Variants in EPHA5 observed in about 807,000 individuals in gnomAD.
EPHA5 encodes the protein ephrin type-A receptor 5.
A neutral mutation model predicts 105.0 loss-of-function variants in EPHA5; 60 were observed. The ratio of observed to expected loss-of-function variants is 0.57; its 90% CI spans 0.46 to 0.71. The LOEUF (loss-of-function observed/expected upper bound fraction) is 0.71, where lower values mean the gene tolerates loss of function less well. Ranked by LOEUF, EPHA5 falls within the 30% of genes least tolerant of loss-of-function variation. The pLI is 0.00. For synonymous variants in EPHA5, 513 were observed against 449.1 expected, an observed-to-expected ratio of 1.14 and a Z score of -1.80; for missense variants, 1,218 against 1,274.7, an observed-to-expected ratio of 0.96 and a Z score of 0.68.
intron 6 of EPHA5, among the ~76,000 whole-genome samples, chr4:65,414,675 T>A (rs1021219274): frequency 6.6e-6 from 1 of 152,210 alleles, no homozygotes; most frequent in East Asian, 1.9e-4. Flanking sequence ...CCATCCGGAA[T>A]ACATGTCTTC....
intron 3 of EPHA5, among the ~76,000 whole-genome samples, chr4:65,574,598 C>CTA (rs1235585532): frequency 1.1e-5 from 1 of 89,688 alleles, no homozygotes; most frequent in African/African-American, 4.1e-5. Flanking sequence ...CTATATATTG[C>CTA]TGTATATATA....
chr4:65,621,716 G>A (rs1006676453), intron 2 of EPHA5, among the ~76,000 whole-genome samples: 1 of 152,056 alleles, frequency 6.6e-6, no homozygotes, highest in Non-Finnish European at 1.5e-5. Context: ...CAAATGTTGG[G>A]TTATTTTCAG....
At chr4:65,638,088 T>C (rs574595246) in intron 2 of EPHA5, among the ~76,000 whole-genome samples, 49 of 152,268 alleles carry the variant, frequency 3.2e-4, no homozygotes, top group African/African-American at 1.2e-3. Context: ...AATAAACATA[T>C]CCATTCTTAA....
intron 5 of EPHA5, among the ~76,000 whole-genome samples, chr4:65,479,824 A>G (rs1560586086): frequency 6.6e-6 from 1 of 152,194 alleles, no homozygotes; most frequent in East Asian, 1.9e-4. Context: ...ACCATTAAAT[A>G]AAAAACATAT....
At chr4:65,384,759 T>G (rs150569537) in intron 8 of EPHA5, among the ~76,000 whole-genome samples, 1 of 152,102 alleles carries the variant, frequency 6.6e-6, no homozygotes, top group East Asian at 1.9e-4. Flanking sequence ...AGGGAAAATA[T>G]ATGGATTCAT....
At chr4:65,619,358 G>A (rs767453822) in intron 2 of EPHA5, among the ~76,000 whole-genome samples, 2 of 152,072 alleles carry the variant, frequency 1.3e-5, no homozygotes, top group African/African-American at 2.4e-5. Flanking sequence ...TATTAGATAT[G>A]TATATATAGG....
At chr4:65,579,375 T>TATAA (rs1553944337) in intron 3 of EPHA5, among the ~76,000 whole-genome samples, 13 of 146,544 alleles carry the variant, frequency 8.9e-5, no homozygotes, top group Admixed American at 4.1e-4. Context: ...TATATATATA[T>TATAA]AAATATATAT....
chr4:65,376,394 A>C (rs1250510416), intron 8 of EPHA5, among the ~76,000 whole-genome samples: 1 of 152,076 alleles, frequency 6.6e-6, no homozygotes, highest in Admixed American at 6.6e-5. Flanking sequence ...TTTATAAATA[A>C]TTAAGAGTAT....
intron 14 of EPHA5, among the ~76,000 whole-genome samples, chr4:65,347,119 C>A (rs1422998148): frequency 6.6e-6 from 1 of 152,110 alleles, no homozygotes; most frequent in Non-Finnish European, 1.5e-5. Flanking sequence ...ATCTGTCTAA[C>A]CAACCCTGAA....
chr4:65,328,835 A>C (rs1720329489), intron 16 of EPHA5, among the ~76,000 whole-genome samples: 1 of 151,210 alleles, frequency 6.6e-6, no homozygotes, highest in Non-Finnish European at 1.5e-5. Context: ...TAAGGGTATA[A>C]TAAATCATGC....
intron 5 of EPHA5, among the ~76,000 whole-genome samples, chr4:65,435,995 CT>C (rs1560534342): frequency 6.6e-6 from 1 of 151,974 alleles, no homozygotes; most frequent in African/African-American, 2.4e-5. Flanking sequence ...AAATTACACA[CT>C]TTTTCTCAGT....
chr4:65,582,073 C>G (rs1166832587), intron 3 of EPHA5, among the ~76,000 whole-genome samples: 3 of 151,642 alleles, frequency 2.0e-5, no homozygotes, highest in Non-Finnish European at 3.0e-5. Context: ...CTCAATCCCT[C>G]AGGAGCTGGG....
intron 8 of EPHA5, among the ~76,000 whole-genome samples, chr4:65,392,848 T>C (rs1247946313): frequency 6.6e-6 from 1 of 152,206 alleles, no homozygotes; most frequent in Non-Finnish European, 1.5e-5. Context: ...TTTAATTCAA[T>C]AACTTATGAG....
At chr4:65,644,974 G>T (rs1487828234) in intron 1 of EPHA5, among the ~76,000 whole-genome samples, 2 of 151,716 alleles carry the variant, frequency 1.3e-5, no homozygotes, top group African/African-American at 4.8e-5. Context: ...AAATCATACT[G>T]GTTTTAAGGA....
intron 1 of EPHA5, among the ~76,000 whole-genome samples, chr4:65,662,183 A>G (rs1749612155): frequency 6.6e-6 from 1 of 152,122 alleles, no homozygotes; most frequent in Non-Finnish European, 1.5e-5. Flanking sequence ...TAAAATTAAT[A>G]TAAGAGAAAA....
intron 8 of EPHA5, among the ~76,000 whole-genome samples, chr4:65,389,500 T>C (rs1253369539): frequency 6.6e-6 from 1 of 152,064 alleles, no homozygotes; most frequent in African/African-American, 2.4e-5. Context: ...ACTAAGGATA[T>C]TAATAAATGT....
At chr4:65,501,026 A>C (rs932237453) in intron 3 of EPHA5, among the ~76,000 whole-genome samples, 5 of 151,390 alleles carry the variant, frequency 3.3e-5, no homozygotes, top group Non-Finnish European at 7.4e-5. Context: ...ATCAGAGGAT[A>C]TAAGCTAAGC....
intron 3 of EPHA5, among the ~76,000 whole-genome samples, chr4:65,533,668 C>T (rs1426528806): frequency 6.6e-6 from 1 of 152,162 alleles, no homozygotes; most frequent in African/African-American, 2.4e-5. Flanking sequence ...GGCACAGTGG[C>T]TCACGCCTGT....
At chr4:65,429,225 A>C (rs1447404764) in intron 5 of EPHA5, among the ~76,000 whole-genome samples, 1 of 152,030 alleles carries the variant, frequency 6.6e-6, no homozygotes, top group Non-Finnish European at 1.5e-5. Flanking sequence ...GGAAAACTTT[A>C]ATCAGCTCAG....
Sources: allele counts gnomAD v4.1 joint callset (sites outside exome capture counted in the v4.1 genomes callset), GRCh38; gene constraint gnomAD v4.1.1; transcripts MANE v1.5; gene names NCBI Gene and HGNC (gene_info 2026-07-23, HGNC 2026-07-21).